Variants in DPF2 observed in about 807,000 individuals in gnomAD.
DPF2 encodes the protein double PHD fingers 2, also known as zinc finger protein ubi-d4.
DPF2 carries 10 observed loss-of-function variants against 59.6 expected under a neutral mutation model. The ratio of observed to expected loss-of-function variants is 0.17; its 90% confidence interval spans 0.10 to 0.28. The LOEUF (loss-of-function observed/expected upper bound fraction) is 0.28. DPF2 is among the 10% of genes least tolerant of loss of function. The probability of loss-of-function intolerance (pLI) is 1.00; values close to 1 mark genes in which losing one functional copy is unlikely to be tolerated. For synonymous variants in DPF2, 189 were observed against 190.6 expected (o/e 0.99, Z 0.07); for missense variants, 315 against 509.4 (o/e 0.62, Z 3.67).
At chr11:65,350,423 G>C (rs1401188987) in intron 10 of DPF2, among the ~76,000 whole-genome samples, 1 of 119,276 alleles carries the variant, frequency 8.4e-6, no homozygotes, top group East Asian at 2.4e-4. Context: ...TGCCCATGTT[G>C]GAGTGGAGTG....
chr11:65,348,749 C>G (rs1033617638), intron 9 of DPF2, 101 bp from the exon 10 acceptor site: 1 of 1,158,796 alleles, frequency 8.6e-7, no homozygotes, highest in African/African-American at 1.5e-5. Flanking sequence ...CACATCTGTT[C>G]TTACCTGCTA....
Position 65,338,723 on chromosome 11 carries a change from T to C in DPF2, c.33-1662T>C, listed in dbSNP as rs543986973. Among the ~76,000 whole-genome samples the C allele has an allele frequency of 2.2e-3, 341 of 152,294 alleles. 2 individuals carry two copies. The highest frequency in any genetic ancestry group is 5.2e-3 in the Admixed American group (79 of 15,288). ...TATTTGTGGCATTGCCGTCTCTGTG[T>C]GTCGTATGTGTCTTTTTTACTTGCT... On this transcript the variant is annotated intron_variant, in intron 1 of 10. Coordinates refer to ENST00000528416, the MANE Select transcript of DPF2 (RefSeq NM_006268.5).
chr11:65,348,464 C>G (rs1488699239), intron 9 of DPF2: 1 of 174,024 alleles, frequency 5.7e-6, no homozygotes, highest in Non-Finnish European at 1.2e-5. Flanking sequence ...GCCTATAGTC[C>G]CAGCTACTTG....
chr11:65,340,569 G>A, intron 2 of DPF2, 24 bp downstream of exon 2: 1 of 1,612,572 alleles, frequency 6.2e-7, no homozygotes. Context: ...CTTGGGAGAA[G>A]GGGACTCAGG....
At chr11:65,337,498 T>TAGAGAGAGAG (rs1565527628) in intron 1 of DPF2, among the ~76,000 whole-genome samples, 2 of 48,024 alleles carry the variant, frequency 4.2e-5, no homozygotes, top group Non-Finnish European at 7.6e-5. Flanking sequence ...TATATATATA[T>TAGAGAGAGAG]ATATATAGAG....
At chr11:65,343,167 C>T (rs1243554366) in intron 4 of DPF2, among the ~76,000 whole-genome samples, 17 of 151,734 alleles carry the variant, frequency 1.1e-4, no homozygotes, top group Non-Finnish European at 2.2e-4. Flanking sequence ...GGTGTGGTGG[C>T]GCATGCCTGT....
At chr11:65,334,221 C>T (rs1446675460) in intron 1 of DPF2, among the ~76,000 whole-genome samples, 2 of 152,232 alleles carry the variant, frequency 1.3e-5, no homozygotes, top group African/African-American at 2.4e-5. Context: ...GCACGCGAGA[C>T]TCACCGTCCC....
rs146359123 is a variant in DPF2, at chr11:65,333,907, T to C, written c.21T>C (p.Asn7=). The change falls in exon 1 of 11, where the codon AAT becomes AAC. Residue 7 remains asparagine, a synonymous_variant. Coordinates refer to ENST00000528416, the MANE Select transcript of DPF2 (RefSeq NM_006268.5). Reference sequence around the variant, plus strand: ...GGAAGATGGCGGCTGTGGTGGAGAATGTAGTGAAGCTGTGAGTGGTCGTTT... The same window carrying C: ...GGAAGATGGCGGCTGTGGTGGAGAACGTAGTGAAGCTGTGAGTGGTCGTTT... MAAVVE[N]VVKLLGEQYY... 174 of 1,613,858 alleles carry C rather than the reference T, an allele frequency of 1.1e-4. 1 individual carries two copies. The East Asian group carries it at 1.8e-3, about 17-fold the overall frequency.
rs1403933999 is a variant in DPF2 at position 65,352,881 on chromosome 11, G to C, written c.*1122G>C. ...AGCCTTCCCCCTTGGCCGTGGGCAG[G>C]CCCTAACTCACTGTCGCTTTGGAGT... On this transcript the variant is annotated 3_prime_UTR_variant, in exon 11 of 11. Coordinates refer to ENST00000528416, the MANE Select transcript of DPF2 (RefSeq NM_006268.5). The C allele has an allele frequency of 6.6e-6, 1 of 152,480 alleles. No individual in the cohort carries two copies. The highest frequency in any genetic ancestry group is 1.5e-5 in the Non-Finnish European group (1 of 68,028). 9.4% of individuals were successfully genotyped at this position (152,480 alleles called of 1,614,324 possible).
rs751527501 is a variant in DPF2 at position 65,351,770 on chromosome 11, C to T, written c.*11C>T. ...CAGAACTCCTCTTGATGTGGCCACC[C>T]ACCTGCTCCCCGACATATCTAAGGC... On this transcript the variant is annotated 3_prime_UTR_variant, in exon 11 of 11. Coordinates refer to ENST00000528416, the MANE Select transcript of DPF2 (RefSeq NM_006268.5). The T allele has an allele frequency of 2.5e-6, 4 of 1,612,162 alleles. No individual in the cohort carries two copies.
chr11:65,337,781 TTTTG>T (rs539990159), intron 1 of DPF2, among the ~76,000 whole-genome samples: 65 of 150,054 alleles, frequency 4.3e-4, no homozygotes, highest in African/African-American at 1.3e-3. Context: ...CTGATGGTTT[TTTTG>T]TTTGTTTGTT....
At chr11:65,342,491 T>G (rs1419259882) in intron 4 of DPF2, among the ~76,000 whole-genome samples, 1 of 152,162 alleles carries the variant, frequency 6.6e-6, no homozygotes, top group African/African-American at 2.4e-5. Flanking sequence ...TTTACTCTTT[T>G]ATCACAAAAG....
chr11:65,334,450 A>G (rs547407700), intron 1 of DPF2, among the ~76,000 whole-genome samples: 341 of 152,330 alleles, frequency 2.2e-3, no homozygotes, highest in Middle Eastern at 6.8e-3. Flanking sequence ...GACTACAAAT[A>G]TTCTTGGGAA....
At chr11:65,337,311 G>A (rs555179093) in intron 1 of DPF2, among the ~76,000 whole-genome samples, 5 of 151,128 alleles carry the variant, frequency 3.3e-5, no homozygotes, top group Non-Finnish European at 7.4e-5. Context: ...TTAGCTGGGC[G>A]TGGTGGCGCA....
At position 65,341,538 on chromosome 11, in the gene DPF2, T is replaced by C. The variant is rs1854373423; in HGVS notation, c.441T>C (p.Pro147=). Residue 147 remains proline (P), a synonymous_variant, in exon 4 of 11, where the codon CCT becomes CCC. Transcript: ENST00000528416. The stretch of plus-strand genomic sequence containing the variant: ...ATGATGACAGCCTGGGCGAGTTTCC[T>C]GTGACCAACAGTCGAGCGCGAAAGG... ...RVDDDSLGEF[P]VTNSRARKRI... 6.2e-7 allele frequency: 1 copy of C among 1,614,048 alleles called. No individual in the cohort carries two copies.
chr11:65,342,708 A>G (rs1854408498), intron 4 of DPF2, among the ~76,000 whole-genome samples: 1 of 152,184 alleles, frequency 6.6e-6, no homozygotes, highest in Non-Finnish European at 1.5e-5. Context: ...GGCTGAAACA[A>G]AGCAGTTTAA....
chr11:65,348,801 G>C, intron 9 of DPF2, 49 bp from the exon 10 acceptor site: 1 of 1,596,660 alleles, frequency 6.3e-7, no homozygotes, highest in Non-Finnish European at 8.6e-7. Context: ...AGTGGCCTGA[G>C]GCACATCAGT....
chr11:65,354,156 T>G lies in DPF2; in HGVS notation c.*2397T>G, dbSNP rs768091667. The stretch of plus-strand genomic sequence containing the variant: ...GGCTGCGGGTCAAGACGTCTGCGTT[T>G]AATTCGGGACTGAAGGTTAGCAGGG... On this transcript the variant is annotated 3_prime_UTR_variant, in exon 11 of 11. Coordinates refer to ENST00000528416, the MANE Select transcript of DPF2 (RefSeq NM_006268.5). Among the ~76,000 whole-genome samples the G allele has an allele frequency of 2.0e-5, 3 of 152,172 alleles. No homozygotes were observed. The highest frequency in any genetic ancestry group is 4.8e-5 in the African/African-American group (2 of 41,446).
chr11:65,341,124 C>G (rs1854357793), intron 3 of DPF2, 51 bp downstream of exon 3: 5 of 1,572,212 alleles, frequency 3.2e-6, no homozygotes, highest in Admixed American at 1.7e-5. Flanking sequence ...ATGGTGAGAG[C>G]CTGCTAATCA....
Sources: allele counts gnomAD v4.1 joint callset (sites outside exome capture counted in the v4.1 genomes callset), GRCh38; gene constraint gnomAD v4.1.1; transcripts MANE v1.5; gene names NCBI Gene and HGNC (gene_info 2026-07-23, HGNC 2026-07-21).